The following IFT81 variants were observed in gnomAD, a reference collection of about 807,000 sequenced individuals.
IFT81 encodes the protein intraflagellar transport 81, also known as intraflagellar transport protein 81 homolog.
A neutral mutation model predicts 102.6 loss-of-function variants in IFT81; 72 were observed. The observed-to-expected ratio is 0.70, with a 90% CI of 0.58 to 0.85. The LOEUF (loss-of-function observed/expected upper bound fraction) is 0.85, where lower values mean the gene tolerates loss of function less well. Ranked by LOEUF, IFT81 falls within the 40% of genes least tolerant of loss-of-function variation. The pLI is 0.00. For synonymous variants in IFT81, 237 were observed against 242.7 expected (o/e 0.98, Z 0.22); for missense variants, 723 against 787.3 (o/e 0.92, Z 0.98).
chr12:110,182,886 A>G (rs1897365399), intron 12 of IFT81, among the ~76,000 whole-genome samples: 1 of 152,140 alleles, frequency 6.6e-6, no homozygotes, highest in African/African-American at 2.4e-5. Flanking sequence ...TGACACCTAT[A>G]CTTTCATCTC....
intron 12 of IFT81, among the ~76,000 whole-genome samples, chr12:110,180,884 A>G (rs1466416193): frequency 2.0e-5 from 3 of 152,174 alleles, no homozygotes; most frequent in African/African-American, 7.2e-5. Flanking sequence ...ATATTTTTTT[A>G]TCATGGCCTG....
At chr12:110,184,298 C>T (rs559286374) in intron 12 of IFT81, among the ~76,000 whole-genome samples, 34 of 151,976 alleles carry the variant, frequency 2.2e-4, no homozygotes, top group Non-Finnish European at 2.4e-4. Context: ...TGCAGTGAGC[C>T]GAGATCATGC....
At chr12:110,167,827 A>ATT in intron 11 of IFT81, 2 of 281,212 alleles carry the variant, frequency 7.1e-6, no homozygotes, top group Non-Finnish European at 6.8e-6. Flanking sequence ...TGTAAGTACA[A>ATT]TTTTTTTTTA....
chr12:110,177,393 A>G (rs922652016), intron 11 of IFT81, among the ~76,000 whole-genome samples: 8 of 151,994 alleles, frequency 5.3e-5, no homozygotes, highest in African/African-American at 1.9e-4. Context: ...AGCAATTCTC[A>G]TGCCTCAGCC....
At chr12:110,143,712 G>A (rs1169737168) in intron 9 of IFT81, among the ~76,000 whole-genome samples, 167 bp downstream of exon 9, 1 of 152,086 alleles carries the variant, frequency 6.6e-6, no homozygotes, top group Non-Finnish European at 1.5e-5. Flanking sequence ...ATTATAGAAT[G>A]TTATGCTATT....
At chr12:110,146,445 C>T (rs180971633) in intron 9 of IFT81, among the ~76,000 whole-genome samples, 6 of 152,182 alleles carry the variant, frequency 3.9e-5, no homozygotes, top group South Asian at 2.1e-4. Context: ...GAAGTCACAA[C>T]GTAGGTGAGG....
chr12:110,177,227 C>G (rs529834799), intron 11 of IFT81, among the ~76,000 whole-genome samples: 17 of 152,262 alleles, frequency 1.1e-4, no homozygotes, highest in Middle Eastern at 6.8e-3. Flanking sequence ...CTTTCTTCTT[C>G]TAAAACACAG....
intron 10 of IFT81, among the ~76,000 whole-genome samples, chr12:110,150,535 A>G (rs1315720209): frequency 6.6e-6 from 1 of 152,194 alleles, no homozygotes; most frequent in Non-Finnish European, 1.5e-5. Context: ...TCAATCTCAC[A>G]TCTTTTTCCT....
chr12:110,173,105 G>A (rs1404337301), intron 11 of IFT81, among the ~76,000 whole-genome samples: 3 of 143,638 alleles, frequency 2.1e-5, no homozygotes, highest in East Asian at 2.1e-4. Flanking sequence ...CGCCCCATCC[G>A]GGAGGGAGGT....
intron 4 of IFT81, among the ~76,000 whole-genome samples, chr12:110,131,822 T>C (rs923920504): frequency 3.3e-5 from 5 of 152,138 alleles, no homozygotes; most frequent in African/African-American, 1.2e-4. Flanking sequence ...ATATCTACTC[T>C]GATAGGATAG....
intron 8 of IFT81, 26 bp from the exon 9 acceptor site, chr12:110,143,355 GA>G: frequency 1.6e-6 from 2 of 1,214,828 alleles, no homozygotes; most frequent in Non-Finnish European, 1.1e-6. Flanking sequence ...CTTTTGGGCT[GA>G]ATATTTATTT....
chr12:110,190,587 G>A (rs367615540), intron 12 of IFT81, among the ~76,000 whole-genome samples: 3 of 151,864 alleles, frequency 2.0e-5, no homozygotes, highest in African/African-American at 7.3e-5. Context: ...AATAAATATT[G>A]GATGAGTGAA....
chr12:110,127,616 C>A, intron 2 of IFT81, 92 bp downstream of exon 2: 1 of 1,148,030 alleles, frequency 8.7e-7, no homozygotes, highest in Non-Finnish European at 1.2e-6. Context: ...TTTAACCTCT[C>A]TGAGCTTTAT....
rs1226824135 is a variant in IFT81, at chr12:110,138,433, A to AT, written c.781+1589dup. Among the ~76,000 whole-genome samples the AT allele has an allele frequency of 6.0e-3, 847 of 142,326 alleles. 30 individuals are homozygous for AT. The East Asian group carries it at 0.11, about 18-fold the overall frequency. 93.4% of individuals were successfully genotyped at this position (142,326 alleles called of 152,430 possible). On this transcript the variant is annotated intron_variant, in intron 8 of 18. Transcript: ENST00000242591. The stretch of plus-strand genomic sequence containing the variant: ...TATAAAACATTCACTGAGGTTAATC[A>AT]TTTTTTTTTTTTTTTTGAGATGGAG...
intron 18 of IFT81, among the ~76,000 whole-genome samples, chr12:110,213,174 C>A (rs1869686322): frequency 6.6e-6 from 1 of 152,140 alleles, no homozygotes; most frequent in African/African-American, 2.4e-5. Context: ...TTGTTTGAAT[C>A]AGGATCCTAA....
At chr12:110,201,174 G>T (rs1433286132) in intron 14 of IFT81, among the ~76,000 whole-genome samples, 4 of 151,986 alleles carry the variant, frequency 2.6e-5, no homozygotes. Context: ...AGGCCAAGGC[G>T]AGCAGATCAC....
At chr12:110,185,709 T>G (rs1434945457) in intron 12 of IFT81, among the ~76,000 whole-genome samples, 1 of 152,036 alleles carries the variant, frequency 6.6e-6, no homozygotes, top group Non-Finnish European at 1.5e-5. Context: ...TGGGCTCAAG[T>G]GATTCTCCCA....
intron 11 of IFT81, chr12:110,169,060 CCTTCCTTCCTTCCTTCCTT>C (rs1896604666): frequency 6.7e-6 from 1 of 148,236 alleles, no homozygotes; most frequent in African/African-American, 2.5e-5. Flanking sequence ...TTCCTTCCTT[CCTTCCTTCCTTCCTTCCTT>C]CCTCTCTCTC....
intron 12 of IFT81, among the ~76,000 whole-genome samples, chr12:110,182,558 C>T (rs1897349254): frequency 1.3e-5 from 2 of 152,170 alleles, no homozygotes; most frequent in South Asian, 4.1e-4. Context: ...TAAAACTGGG[C>T]ATGGGAGTAC....
Sources: gnomAD v4.1 joint callset for allele counts (sites outside exome capture counted in the v4.1 genomes callset) on GRCh38, gnomAD v4.1.1 for gene constraint, MANE v1.5 for transcripts, NCBI Gene and HGNC (gene_info 2026-07-23, HGNC 2026-07-21) for gene names.